AAK1: variants seen among roughly 807,000 people sequenced by gnomAD.
AAK1 encodes the protein AP2 associated kinase 1.
A neutral mutation model predicts 116.0 loss-of-function variants in AAK1; 37 were observed. That is an observed-to-expected ratio of 0.32 (90% CI 0.25 to 0.42). The LOEUF (loss-of-function observed/expected upper bound fraction) is 0.42. Ranked by LOEUF, AAK1 falls within the 10% of genes least tolerant of loss-of-function variation. The probability of loss-of-function intolerance (pLI) is 1.00; values close to 1 mark genes in which losing one functional copy is unlikely to be tolerated. For missense variants in AAK1, 919 were observed against 1,170.6 expected (o/e 0.79, Z 3.14); for synonymous variants, 458 against 439.9 (o/e 1.04, Z -0.51).
intron 7 of AAK1, 75 bp from the exon 8 acceptor site, chr2:69,530,215 G>A: frequency 7.0e-7 from 1 of 1,433,574 alleles, no homozygotes; most frequent in South Asian, 1.4e-5. Flanking sequence ...TGAGAAACTG[G>A]CACCATCCAC....
chr2:69,618,591 C>G (rs1012328720), intron 2 of AAK1, among the ~76,000 whole-genome samples: 1 of 152,182 alleles, frequency 6.6e-6, no homozygotes, highest in Non-Finnish European at 1.5e-5. Flanking sequence ...CTCCTTTGAG[C>G]TCATGCCACG....
At chr2:69,638,757 G>A (rs1241335661) in intron 2 of AAK1, among the ~76,000 whole-genome samples, 1 of 152,160 alleles carries the variant, frequency 6.6e-6, no homozygotes, top group Non-Finnish European at 1.5e-5. Flanking sequence ...TTCTATTCCT[G>A]TTCAAACTTC....
In AAK1 at chr2:69,474,586, T is replaced by C. The variant is rs765819275; in HGVS notation, c.*1283A>G. The C allele has an allele frequency of 8.1e-6, 8 of 985,430 alleles. No homozygotes were observed. The South Asian group carries it at 2.3e-4, about 29-fold the overall frequency. 61.0% of individuals were successfully genotyped at this position (985,430 alleles called of 1,614,324 possible). A position where few individuals can be genotyped will look rare whatever the true frequency, so the allele number is the denominator to read the frequency against. On this transcript the variant is annotated 3_prime_UTR_variant, in exon 22 of 22. Coordinates refer to ENST00000409085, the MANE Select transcript of AAK1 (RefSeq NM_014911.5). Reference sequence around the variant, plus strand: ...AGGAAAACCAGCTGAACATATTCCATTGGCTGCAGCCTTCAATTTAAACAT... The same window carrying C: ...AGGAAAACCAGCTGAACATATTCCACTGGCTGCAGCCTTCAATTTAAACAT...
intron 2 of AAK1, among the ~76,000 whole-genome samples, chr2:69,578,514 T>C (rs1410742029): frequency 6.6e-6 from 1 of 152,166 alleles, no homozygotes; most frequent in Non-Finnish European, 1.5e-5. Context: ...GGGTCAAAAA[T>C]GCCATTTAAA....
In AAK1 at chr2:69,513,575, G is replaced by A. The variant is rs185050092; in HGVS notation, c.1776+896C>T. Reference sequence around the variant, plus strand: ...CCTGACCTTGTGATCCGCCCGCCTCGGCCTCCCAAAGTGCTGGGATTACAG... The same window carrying A: ...CCTGACCTTGTGATCCGCCCGCCTCAGCCTCCCAAAGTGCTGGGATTACAG... On this transcript the variant is annotated intron_variant, in intron 13 of 21. Coordinates refer to ENST00000409085, the MANE Select transcript of AAK1 (RefSeq NM_014911.5). Among the ~76,000 whole-genome samples the A allele has an allele frequency of 2.1e-3, 314 of 152,114 alleles. 1 individual carries two copies. Among genetic ancestry groups the A allele is most frequent in the African/African-American group, 7.3e-3 (305 of 41,500 alleles).
In AAK1 at chr2:69,465,247, G is replaced by C. The variant is rs898658643; in HGVS notation, c.*10622C>G. 7.0e-6 allele frequency: 3 copies of C among 430,936 alleles called. No homozygotes were observed. Among genetic ancestry groups the C allele is most frequent in the Non-Finnish European group, 1.1e-5 (3 of 262,340 alleles). 26.7% of individuals were successfully genotyped at this position (430,936 alleles called of 1,614,324 possible). A position where few individuals can be genotyped will look rare whatever the true frequency, so the allele number is the denominator to read the frequency against. ...AAACAAAAATGAACATAACTTAAAG[G>C]GGCTTCAACTAAATATCACTGCAAC... is the stretch of plus-strand genomic sequence containing the variant. On this transcript the variant is annotated 3_prime_UTR_variant, in exon 22 of 22. Transcript: ENST00000409085.
Position 69,544,560 on chromosome 2 carries a change from G to A in AAK1, c.283-16C>T, listed in dbSNP as rs762602585. The stretch of plus-strand genomic sequence containing the variant: ...AAAGATCCCTCTGTGAACAAGAGAG[G>A]AGAAATATATTGTTAGTTTCAGATG... On this transcript the variant is annotated splice_polypyrimidine_tract_variant and intron_variant, in intron 3 of 21. Coordinates refer to ENST00000409085, the MANE Select transcript of AAK1 (RefSeq NM_014911.5). 6.4e-7 allele frequency: 1 copy of A among 1,574,752 alleles called. No homozygotes were observed. The highest frequency in any genetic ancestry group is 8.7e-7 in the Non-Finnish European group (1 of 1,144,440).
At chr2:69,517,778 CAAAA>C (rs899762249) in intron 12 of AAK1, among the ~76,000 whole-genome samples, 2 of 57,498 alleles carry the variant, frequency 3.5e-5, no homozygotes, top group Admixed American at 1.8e-4. Flanking sequence ...TGACAAAAAG[CAAAA>C]AAAAAAAAAA....
At chr2:69,515,838 CA>C (rs35966417) in intron 12 of AAK1, among the ~76,000 whole-genome samples, 50,287 of 145,474 alleles carry the variant, frequency 0.35, 9,478 homozygotes, top group East Asian at 0.53. Context: ...TAGAAGATGT[CA>C]AAAAAAAAAA....
At position 69,469,951 on chromosome 2, in the gene AAK1, A is replaced by G; in HGVS notation, c.*5918T>C. 1 of 985,398 alleles carries G rather than the reference A, an allele frequency of 1.0e-6. No homozygotes were observed. The allele number at this position is 985,398 out of a possible 1,614,324, so 61.0% of individuals were successfully genotyped here. A position where few individuals can be genotyped will look rare whatever the true frequency, so the allele number is the denominator to read the frequency against. On this transcript the variant is annotated 3_prime_UTR_variant, in exon 22 of 22. Coordinates refer to ENST00000409085, the MANE Select transcript of AAK1 (RefSeq NM_014911.5). ...AGAGAAGGAGTTCCTAAAATACCTG[A>G]CAACTTGGCAACTATCCTCACCAGC... is the stretch of plus-strand genomic sequence containing the variant.
intron 2 of AAK1, among the ~76,000 whole-genome samples, chr2:69,559,524 T>G (rs1671542681): frequency 6.6e-6 from 1 of 152,250 alleles, no homozygotes; most frequent in East Asian, 1.9e-4. Context: ...ATAATTGTTT[T>G]GTAAATAGTA....
chr2:69,578,243 T>C (rs1268061095), intron 2 of AAK1, among the ~76,000 whole-genome samples: 2 of 152,150 alleles, frequency 1.3e-5, no homozygotes, highest in Non-Finnish European at 2.9e-5. Context: ...TTCAGTGAAA[T>C]ATAGAATAGA....
intron 15 of AAK1, among the ~76,000 whole-genome samples, chr2:69,507,206 G>C (rs1199129617): frequency 6.6e-6 from 1 of 152,132 alleles, no homozygotes; most frequent in African/African-American, 2.4e-5. Flanking sequence ...ACCCACAATA[G>C]ATCAGGATTT....
chr2:69,595,441 A>G (rs1673237909), intron 2 of AAK1, among the ~76,000 whole-genome samples: 2 of 152,320 alleles, frequency 1.3e-5, no homozygotes, highest in East Asian at 1.9e-4. Context: ...GAAGTGCTAC[A>G]TGAATGATAT....
At chr2:69,561,692 G>A (rs1200616968) in intron 2 of AAK1, among the ~76,000 whole-genome samples, 1 of 152,130 alleles carries the variant, frequency 6.6e-6, no homozygotes, top group East Asian at 1.9e-4. Flanking sequence ...TGGCTGTGGC[G>A]ACAGCCAATC....
intron 3 of AAK1, among the ~76,000 whole-genome samples, chr2:69,548,144 A>G (rs1339886682): frequency 1.3e-5 from 2 of 152,214 alleles, no homozygotes; most frequent in South Asian, 2.1e-4. Flanking sequence ...GATAAGAAAA[A>G]AGTGTTCTAA....
intron 21 of AAK1, 38 bp downstream of exon 21, chr2:69,476,842 A>C (rs1674875341): frequency 1.5e-5 from 22 of 1,478,044 alleles, no homozygotes; most frequent in Non-Finnish European, 2.0e-5. Context: ...AAGAGAACTG[A>C]GGCCAAGCTC....
At chr2:69,635,503 T>C (rs916019893) in intron 2 of AAK1, among the ~76,000 whole-genome samples, 1 of 152,242 alleles carries the variant, frequency 6.6e-6, no homozygotes, top group African/African-American at 2.4e-5. Flanking sequence ...TGTTCATAAC[T>C]GTAGCAACAT....
At chr2:69,548,549 CCT>C (rs959331741) in intron 3 of AAK1, among the ~76,000 whole-genome samples, 6 of 147,660 alleles carry the variant, frequency 4.1e-5, no homozygotes, top group African/African-American at 1.5e-4. Context: ...TTCCTTCCTT[CCT>C]CTTTCTTTCT....
Sources: allele counts gnomAD v4.1 joint callset (sites outside exome capture counted in the v4.1 genomes callset), GRCh38; gene constraint gnomAD v4.1.1; transcripts MANE v1.5; gene names NCBI Gene and HGNC (gene_info 2026-07-23, HGNC 2026-07-21).